Variants in METAP1 observed in about 807,000 individuals in gnomAD.
METAP1 encodes the protein methionyl aminopeptidase 1, also known as methionine aminopeptidase 1.
METAP1 carries 28 observed loss-of-function variants against 53.8 expected under a neutral mutation model. The ratio of observed to expected loss-of-function variants is 0.52; its 90% confidence interval spans 0.39 to 0.71. The LOEUF (loss-of-function observed/expected upper bound fraction) is 0.71. Among genes scored for constraint, METAP1 ranks in the 30% least tolerant of loss-of-function variants. The probability of loss-of-function intolerance (pLI) is 0.00; values close to 1 mark genes in which losing one functional copy is unlikely to be tolerated. For synonymous variants in METAP1, 181 were observed against 165.7 expected (o/e 1.09, Z -0.71); for missense variants, 389 against 479.8 (o/e 0.81, Z 1.77).
At chr4:99,055,247 C>T (rs992333278) in intron 9 of METAP1, among the ~76,000 whole-genome samples, 5 of 151,924 alleles carry the variant, frequency 3.3e-5, no homozygotes, top group African/African-American at 7.3e-5. Flanking sequence ...AAAAATTAGC[C>T]GGCCATGGTG....
intron 8 of METAP1, among the ~76,000 whole-genome samples, chr4:99,047,156 A>C (rs1726328026): frequency 6.6e-6 from 1 of 152,062 alleles, no homozygotes; most frequent in Admixed American, 6.6e-5. Flanking sequence ...GAGGGTTTGA[A>C]AAGCTGTTGA....
rs562609892 is a variant in METAP1 at position 99,060,754 on chromosome 4, T to A, written c.998-400T>A. On this transcript the variant is annotated intron_variant, in intron 10 of 10. Coordinates refer to ENST00000296411, the MANE Select transcript of METAP1 (RefSeq NM_015143.3). ...GTAGCATATTGCAGAATGTCCTTTT[T>A]AAAAAATTTCCTGTTTTAAAATGGA... Among the ~76,000 whole-genome samples, 200 of 152,288 alleles carry A rather than the reference T, an allele frequency of 1.3e-3. 1 individual carries two copies. Among genetic ancestry groups the A allele is most frequent in the African/African-American group, 4.7e-3 (194 of 41,566 alleles).
chr4:98,995,989 G>A, intron 1 of METAP1, 122 bp downstream of exon 1: 1 of 781,530 alleles, frequency 1.3e-6, no homozygotes, highest in South Asian at 1.5e-5. Context: ...CCCCGGCCGC[G>A]TTTCCTCCTC....
rs966375518 is a variant in METAP1, at chr4:99,025,332, C to T, written c.115-3535C>T. On this transcript the variant is annotated intron_variant, in intron 1 of 10. Transcript: ENST00000296411. ...AGTTGGTTAGGTCAGATCTCTTTCA[C>T]TGTTTGAGTTATAATTTTGCAGTAG... 3.7e-5 allele frequency: 36 copies of T among 968,700 alleles called. No individual in the cohort carries two copies. The African/African-American group carries it at 5.6e-4, about 15-fold the overall frequency. 60.0% of individuals were successfully genotyped at this position (968,700 alleles called of 1,614,324 possible). A position where few individuals can be genotyped will look rare whatever the true frequency, so the allele number is the denominator to read the frequency against.
At chr4:99,012,864 G>A (rs1431955458) in intron 1 of METAP1, among the ~76,000 whole-genome samples, 4 of 151,984 alleles carry the variant, frequency 2.6e-5, no homozygotes, top group Non-Finnish European at 4.4e-5. Context: ...AGTTTGGTCC[G>A]CAAAGGTGGG....
chr4:99,019,352 T>G (rs1723955535), intron 1 of METAP1, among the ~76,000 whole-genome samples: 1 of 152,184 alleles, frequency 6.6e-6, no homozygotes, highest in East Asian at 1.9e-4. Context: ...ACTCACGTAT[T>G]CTTCCTCTCT....
At chr4:99,009,582 A>G (rs1266996157) in intron 1 of METAP1, among the ~76,000 whole-genome samples, 2 of 152,132 alleles carry the variant, frequency 1.3e-5, no homozygotes, top group Non-Finnish European at 2.9e-5. Context: ...ATGAGCTGAT[A>G]CTTCATAGAG....
chr4:99,012,519 C>G (rs934182194), intron 1 of METAP1, among the ~76,000 whole-genome samples: 12 of 152,068 alleles, frequency 7.9e-5, no homozygotes, highest in African/African-American at 2.9e-4. Flanking sequence ...AGGTGATCTG[C>G]CCCGCTTGGC....
chr4:99,022,958 G>C, intron 1 of METAP1: 1 of 1,486,560 alleles, frequency 6.7e-7, no homozygotes, highest in Non-Finnish European at 9.1e-7. Context: ...ACATGTAGGG[G>C]CTGGAAGTGT....
At chr4:98,996,355 C>T (rs914218511) in intron 1 of METAP1, among the ~76,000 whole-genome samples, 3 of 152,216 alleles carry the variant, frequency 2.0e-5, no homozygotes, top group African/African-American at 4.8e-5. Context: ...GGGGCTGAAG[C>T]TACCTGCCGG....
chr4:99,039,539 A>T, intron 5 of METAP1, 74 bp downstream of exon 5: 1 of 826,104 alleles, frequency 1.2e-6, no homozygotes, highest in Non-Finnish European at 2.0e-6. Flanking sequence ...TGGTTTGCTG[A>T]TTTATAAAGA....
At chr4:99,012,715 G>A (rs1723549959) in intron 1 of METAP1, among the ~76,000 whole-genome samples, 2 of 138,882 alleles carry the variant, frequency 1.4e-5, no homozygotes, top group Admixed American at 7.9e-5. Flanking sequence ...CCAAATAAGA[G>A]CGACCAAGGT....
chr4:99,042,552 A>ATT (rs1263382683), intron 6 of METAP1, among the ~76,000 whole-genome samples: 1 of 152,090 alleles, frequency 6.6e-6, no homozygotes, highest in African/African-American at 2.4e-5. Flanking sequence ...GAATGTGGTT[A>ATT]TTAAAATATC....
intron 10 of METAP1, among the ~76,000 whole-genome samples, chr4:99,058,120 G>A (rs969551887): frequency 8.5e-5 from 13 of 152,110 alleles, no homozygotes; most frequent in African/African-American, 2.7e-4. Context: ...AAGTCTGTGC[G>A]GACGTTCTTG....
rs72908987 is a variant in METAP1, at chr4:99,026,576, G to A, written c.115-2291G>A. 5,229 of 985,378 alleles carry A rather than the reference G, an allele frequency of 5.3e-3. 164 individuals carry two copies. The African/African-American group carries it at 0.076, about 14-fold the overall frequency. The allele number at this position is 985,378 out of a possible 1,614,324, so 61.0% of individuals were successfully genotyped here. On this transcript the variant is annotated intron_variant, in intron 1 of 10. Coordinates refer to ENST00000296411, the MANE Select transcript of METAP1 (RefSeq NM_015143.3). The stretch of plus-strand genomic sequence containing the variant: ...GGACCTCTAAATCTAGGTTAGTTAG[G>A]TCTTTGGTTCATTTGTTAGAGATGA...
At chr4:99,021,698 G>C (rs182959049) in intron 1 of METAP1, among the ~76,000 whole-genome samples, 1 of 152,114 alleles carries the variant, frequency 6.6e-6, no homozygotes, top group African/African-American at 2.4e-5. Flanking sequence ...GCTGTGTCCC[G>C]TTCCCATTGG....
intron 8 of METAP1, among the ~76,000 whole-genome samples, 178 bp from the exon 9 acceptor site, chr4:99,048,555 A>G (rs1726442672): frequency 1.3e-5 from 2 of 152,132 alleles, no homozygotes; most frequent in Admixed American, 1.3e-4. Context: ...TTTTTTGCAG[A>G]GACAGGGCTT....
At chr4:99,006,361 C>G (rs1013690888) in intron 1 of METAP1, among the ~76,000 whole-genome samples, 1 of 152,114 alleles carries the variant, frequency 6.6e-6, no homozygotes, top group African/African-American at 2.4e-5. Context: ...AAATTTCAAA[C>G]AAATAGAAAA....
intron 1 of METAP1, among the ~76,000 whole-genome samples, chr4:99,018,281 G>A (rs929471222): frequency 6.6e-6 from 1 of 152,120 alleles, no homozygotes; most frequent in Non-Finnish European, 1.5e-5. Context: ...GCTCTTCTTT[G>A]GAGACCCGCA....
Sources: allele counts gnomAD v4.1 joint callset (sites outside exome capture counted in the v4.1 genomes callset), GRCh38; gene constraint gnomAD v4.1.1; transcripts MANE v1.5; gene names NCBI Gene and HGNC (gene_info 2026-07-23, HGNC 2026-07-21).